ASF1A: variants seen among roughly 807,000 people sequenced by gnomAD.
ASF1A encodes the protein histone chaperone ASF1A.
ASF1A carries 5 observed loss-of-function variants against 22.0 expected under a neutral mutation model. That is an observed-to-expected ratio of 0.23 (90% CI 0.12 to 0.48). ASF1A has a LOEUF of 0.48. Among genes scored for constraint, ASF1A ranks in the 20% least tolerant of loss-of-function variants. The pLI, the probability that ASF1A is intolerant of heterozygous loss-of-function variation, is 0.99. For synonymous variants in ASF1A, 97 were observed against 86.7 expected, an observed-to-expected ratio of 1.12 and a Z score of -0.66; for missense variants, 137 against 240.6, an observed-to-expected ratio of 0.57 and a Z score of 2.85.
intron 2 of ASF1A, 120 bp from the exon 3 acceptor site, chr6:118,905,532 T>C (rs1316797371): frequency 1.7e-5 from 12 of 687,824 alleles, no homozygotes; most frequent in Non-Finnish European, 2.8e-5. Flanking sequence ...CCCAGTATGA[T>C]TTCCAAGTTT....
intron 2 of ASF1A, 143 bp from the exon 3 acceptor site, chr6:118,905,509 G>C (rs1378526592): frequency 8.3e-6 from 5 of 600,916 alleles, no homozygotes; most frequent in Non-Finnish European, 1.4e-5. Flanking sequence ...AGTCAGAAAT[G>C]AGCATTTTCC....
intron 2 of ASF1A, among the ~76,000 whole-genome samples, chr6:118,903,683 G>T (rs1360378871): frequency 1.3e-5 from 2 of 152,182 alleles, no homozygotes; most frequent in African/African-American, 2.4e-5. Context: ...AATTTTTCAG[G>T]ATGTGAGCGA....
Position 118,907,388 on chromosome 6 carries a change from C to G in ASF1A, c.403-14C>G. ...CTTAGTGTTTACCATTTGTATGTTTCCTTTTTCCTCTAGCTTCAAAGGAAT... is the reference window on the plus strand; with the variant it reads ...CTTAGTGTTTACCATTTGTATGTTTGCTTTTTCCTCTAGCTTCAAAGGAAT... On this transcript the variant is annotated splice_polypyrimidine_tract_variant and intron_variant, in intron 3 of 3. Coordinates refer to ENST00000229595, the MANE Select transcript of ASF1A (RefSeq NM_014034.3). The G allele has an allele frequency of 6.4e-7, 1 of 1,552,366 alleles. No homozygotes were observed. The highest frequency in any genetic ancestry group is 8.8e-7 in the Non-Finnish European group (1 of 1,139,098).
chr6:118,907,870 TCTC>T lies in ASF1A; in HGVS notation c.*259_*261del. ...GATTAAAGCATATATATTATTTTCT[TCTC>T]CTTTATATGTAATGAAAGCACTTAT... is the stretch of plus-strand genomic sequence containing the variant. On this transcript the variant is annotated 3_prime_UTR_variant, in exon 4 of 4. Transcript: ENST00000229595. The T allele has an allele frequency of 3.0e-6, 1 of 330,118 alleles. No individual in the cohort carries two copies. Among genetic ancestry groups the T allele is most frequent in the South Asian group, 5.0e-5 (1 of 19,850 alleles). The allele number at this position is 330,118 out of a possible 1,614,324, so 20.4% of individuals were successfully genotyped here. A position where few individuals can be genotyped will look rare whatever the true frequency, so the allele number is the denominator to read the frequency against.
intron 1 of ASF1A, among the ~76,000 whole-genome samples, chr6:118,894,898 G>A (rs562227351): frequency 6.6e-6 from 1 of 152,292 alleles, no homozygotes; most frequent in Non-Finnish European, 1.5e-5. Context: ...GAGCACGGAG[G>A]CTGGGAAGGG....
chr6:118,897,568 A>T (rs1486066615), intron 1 of ASF1A, among the ~76,000 whole-genome samples: 1 of 152,156 alleles, frequency 6.6e-6, no homozygotes, highest in Non-Finnish European at 1.5e-5. Context: ...CATACTTTCC[A>T]CTAGACCACA....
At chr6:118,901,900 AAATAATCC>A (rs1779818423) in intron 2 of ASF1A, among the ~76,000 whole-genome samples, 1 of 152,200 alleles carries the variant, frequency 6.6e-6, no homozygotes, top group African/African-American at 2.4e-5. Flanking sequence ...ACCATTGGTC[AAATAATCC>A]CATCAGAAAC....
rs899395677 is a variant in ASF1A at position 118,894,656 on chromosome 6, G to GA, written c.109+136dup. The GA allele has an allele frequency of 5.3e-6, 4 of 757,554 alleles. No individual in the cohort carries two copies. In the African/African-American group the frequency reaches 7.2e-5, roughly 14 times the overall value. 46.9% of individuals were successfully genotyped at this position (757,554 alleles called of 1,614,324 possible). A position where few individuals can be genotyped will look rare whatever the true frequency, so the allele number is the denominator to read the frequency against. ...CGGGCTGCTCTGCGGAGGGAAACTT[G>GA]AAGTTGATGGACGACGGCCGCCGAG... On this transcript the variant is annotated intron_variant, in intron 1 of 3. Transcript: ENST00000229595.
intron 3 of ASF1A, among the ~76,000 whole-genome samples, chr6:118,906,125 C>T (rs1583620675): frequency 1.3e-5 from 2 of 152,088 alleles, no homozygotes; most frequent in Admixed American, 1.3e-4. Flanking sequence ...CAGGCTGGAG[C>T]GCAGTGGCAT....
intron 1 of ASF1A, among the ~76,000 whole-genome samples, chr6:118,898,346 A>G (rs1354666139): frequency 6.6e-6 from 1 of 152,184 alleles, no homozygotes; most frequent in Non-Finnish European, 1.5e-5. Flanking sequence ...GCGAATTTAT[A>G]CCACTTAGGA....
chr6:118,905,818 A>T lies in ASF1A; in HGVS notation c.392A>T (p.Asp131Val). Reference sequence around the variant, plus strand: ...AGGGAAAATCCACCAGTAAAACCAGACTTTTCTAAGGTAATGTTCTTACTA... The same window carrying T: ...AGGGAAAATCCACCAGTAAAACCAGTCTTTTCTAAGGTAATGTTCTTACTA... ...ELRENPPVKP[D>V]FSKLQRNILA... Residue 131 changes from aspartate (D) to valine (V), a missense_variant, in exon 3 of 4, where the codon GAC becomes GTC. Coordinates refer to ENST00000229595, the MANE Select transcript of ASF1A (RefSeq NM_014034.3). The T allele has an allele frequency of 6.2e-7, 1 of 1,600,032 alleles. No homozygotes were observed. Among genetic ancestry groups the T allele is most frequent in the Non-Finnish European group, 8.5e-7 (1 of 1,171,098 alleles).
intron 1 of ASF1A, 26 bp downstream of exon 1, chr6:118,894,548 G>A: frequency 6.6e-7 from 1 of 1,512,896 alleles, no homozygotes; most frequent in Admixed American, 2.0e-5. Flanking sequence ...GTGCGCCCGG[G>A]CTGTCAGTTG....
At chr6:118,905,251 G>A (rs1434532077) in intron 2 of ASF1A, among the ~76,000 whole-genome samples, 2 of 152,178 alleles carry the variant, frequency 1.3e-5, no homozygotes, top group Non-Finnish European at 2.9e-5. Context: ...AACATTTGTG[G>A]CCAACAGTCT....
At chr6:118,900,366 A>G (rs1779726147) in intron 1 of ASF1A, among the ~76,000 whole-genome samples, 2 of 152,206 alleles carry the variant, frequency 1.3e-5, no homozygotes, top group African/African-American at 4.8e-5. Flanking sequence ...TGATATACAA[A>G]AAAAGGGGGA....
rs1350488811 is a variant in ASF1A, at chr6:118,894,225, AG to A, written c.-187del. ...AGAATGGGCTGTAGTTTAGTGAAAT[AG>A]GAAAGCTGCAAAACACTGTGGAGTG... On this transcript the variant is annotated 5_prime_UTR_variant, in exon 1 of 4. Coordinates refer to ENST00000229595, the MANE Select transcript of ASF1A (RefSeq NM_014034.3). 90 of 1,415,084 alleles carry A rather than the reference AG, an allele frequency of 6.4e-5. No homozygotes were observed. The highest frequency in any genetic ancestry group is 8.2e-5 in the Non-Finnish European group (89 of 1,088,512). 87.7% of individuals were successfully genotyped at this position (1,415,084 alleles called of 1,614,324 possible). A position where few individuals can be genotyped will look rare whatever the true frequency, so the allele number is the denominator to read the frequency against.
intron 1 of ASF1A, among the ~76,000 whole-genome samples, chr6:118,899,789 T>C (rs926798162): frequency 5.9e-5 from 9 of 152,230 alleles, no homozygotes; most frequent in South Asian, 2.1e-4. Flanking sequence ...ACTAACTAGA[T>C]TGTCATGAGT....
chr6:118,897,800 G>T (rs1779531505), intron 1 of ASF1A, among the ~76,000 whole-genome samples: 1 of 151,792 alleles, frequency 6.6e-6, no homozygotes, highest in South Asian at 2.1e-4. Flanking sequence ...AATACAGGGG[G>T]CAGAGGAATT....
At chr6:118,898,613 TC>T (rs1779598544) in intron 1 of ASF1A, among the ~76,000 whole-genome samples, 1 of 152,238 alleles carries the variant, frequency 6.6e-6, no homozygotes, top group Admixed American at 6.5e-5. Flanking sequence ...AGATGGGGTT[TC>T]ACCATGTTTG....
rs926999319 is a variant in ASF1A, at chr6:118,894,352, G to A, written c.-62G>A. 1 of 1,533,220 alleles carries A rather than the reference G, an allele frequency of 6.5e-7. No individual in the cohort carries two copies. The highest frequency in any genetic ancestry group is 8.7e-7 in the Non-Finnish European group (1 of 1,143,900). 95.0% of individuals were successfully genotyped at this position (1,533,220 alleles called of 1,614,324 possible). On this transcript the variant is annotated 5_prime_UTR_variant, in exon 1 of 4. Coordinates refer to ENST00000229595, the MANE Select transcript of ASF1A (RefSeq NM_014034.3). ...GGTCTGCGCTCTCCCGAGCGGCCGC[G>A]CGCTGGACTTTATTGTGCCGCAACC...
Sources: gnomAD v4.1 joint callset for allele counts (sites outside exome capture counted in the v4.1 genomes callset) on GRCh38, gnomAD v4.1.1 for gene constraint, MANE v1.5 for transcripts, NCBI Gene and HGNC (gene_info 2026-07-23, HGNC 2026-07-21) for gene names.